The following MIER2 variants were observed in gnomAD, a reference collection of about 807,000 sequenced individuals.
MIER2 encodes the protein MIER family member 2.
A neutral mutation model predicts 67.6 loss-of-function variants in MIER2; 30 were observed. That is an observed-to-expected ratio of 0.44 (90% confidence interval 0.33 to 0.60). The LOEUF is 0.60. Ranked by LOEUF, MIER2 falls within the 20% of genes least tolerant of loss-of-function variation. The probability of loss-of-function intolerance (pLI) is 0.02; values close to 1 mark genes in which losing one functional copy is unlikely to be tolerated. For synonymous variants in MIER2, 372 were observed against 312.6 expected (o/e 1.19, Z -2.00); for missense variants, 702 against 745.1 (o/e 0.94, Z 0.67).
intron 6 of MIER2, 145 bp downstream of exon 6, chr19:326,362 C>T (rs868608876): frequency 1.8e-5 from 10 of 546,200 alleles, no homozygotes; most frequent in African/African-American, 6.9e-5. Context: ...GAGCCACGGC[C>T]GGGATGCCAG....
At chr19:318,463 A>C (rs1211725724) in intron 7 of MIER2, among the ~76,000 whole-genome samples, 2 of 152,226 alleles carry the variant, frequency 1.3e-5, no homozygotes, top group East Asian at 3.8e-4. Context: ...AATGGACAGC[A>C]TTAAAAAGGG....
chr19:308,556 G>A lies in MIER2; in HGVS notation c.1198+21C>T, dbSNP rs200228754. The A allele has an allele frequency of 8.6e-4, 1,359 of 1,577,892 alleles. 5 individuals are homozygous for A. The highest frequency in any genetic ancestry group is 1.3e-3 in the South Asian group (108 of 86,292). On this transcript the variant is annotated intron_variant, in intron 12 of 13. Coordinates refer to ENST00000264819, the MANE Select transcript of MIER2 (RefSeq NM_017550.3). The surrounding 1 kb of genome is among the most constrained non-coding windows in gnomAD (Gnocchi z 9.1). ...AGACCCGTGGCCGCCCCCAGGGCAG[G>A]AGATACTCCCCAAGCCTCACCTGTG... is the stretch of plus-strand genomic sequence containing the variant.
chr19:335,744 C>T (rs1434153042), intron 2 of MIER2, among the ~76,000 whole-genome samples: 1 of 152,198 alleles, frequency 6.6e-6, no homozygotes, highest in East Asian at 1.9e-4. Context: ...ACCTTCTCAG[C>T]CCCGGCTCCC....
chr19:319,999 A>C (rs1193859143), intron 7 of MIER2, among the ~76,000 whole-genome samples: 1 of 152,190 alleles, frequency 6.6e-6, no homozygotes, highest in Non-Finnish European at 1.5e-5. Context: ...CACAGCGAGC[A>C]TGTAATCACT....
intron 7 of MIER2, among the ~76,000 whole-genome samples, chr19:316,917 C>T (rs1160655187): frequency 2.6e-5 from 4 of 151,192 alleles, no homozygotes; most frequent in South Asian, 2.1e-4. Context: ...TGCAATGAGC[C>T]GAGATCACAC....
chr19:310,777 A>G (rs989029900), intron 10 of MIER2, among the ~76,000 whole-genome samples: 6 of 146,190 alleles, frequency 4.1e-5, no homozygotes, highest in Non-Finnish European at 7.5e-5. Flanking sequence ...GTCCATAGAA[A>G]CACGGCCCAG....
At chr19:316,533 G>A (rs1971243060) in intron 7 of MIER2, among the ~76,000 whole-genome samples, 1 of 152,184 alleles carries the variant, frequency 6.6e-6, no homozygotes, top group Non-Finnish European at 1.5e-5. Context: ...CAGGCAATCT[G>A]CCTGCCTCGG....
At chr19:339,150 G>A (rs905483023) in intron 1 of MIER2, among the ~76,000 whole-genome samples, 4 of 149,112 alleles carry the variant, frequency 2.7e-5, no homozygotes, top group African/African-American at 4.9e-5. Flanking sequence ...TTCAAAGGAC[G>A]CCCCCAAGAA....
In MIER2 at chr19:308,492, C is replaced by G; in HGVS notation, c.1198+85G>C. ...GCGAGGCTGGCCCAGCACAGGGCGC[C>G]AGGCAGGAGAGGCTCCACCGGGCCT... On this transcript the variant is annotated intron_variant, in intron 12 of 13. Coordinates refer to ENST00000264819, the MANE Select transcript of MIER2 (RefSeq NM_017550.3). This position sits in a 1 kb window ranked among gnomAD's most constrained non-coding sequence, Gnocchi z 9.1. The G allele has an allele frequency of 7.1e-7, 1 of 1,403,722 alleles. No individual in the cohort carries two copies. The highest frequency in any genetic ancestry group is 9.6e-7 in the Non-Finnish European group (1 of 1,038,016). 87.0% of individuals were successfully genotyped at this position (1,403,722 alleles called of 1,614,324 possible). A position where few individuals can be genotyped will look rare whatever the true frequency, so the allele number is the denominator to read the frequency against.
At position 305,801 on chromosome 19, in the gene MIER2, G is replaced by C. The variant is rs1970623729; in HGVS notation, c.*889C>G. 6.6e-6 allele frequency: 1 copy of C among 152,656 alleles called. No individual in the cohort carries two copies. Among genetic ancestry groups the C allele is most frequent in the Non-Finnish European group, 1.5e-5 (1 of 68,144 alleles). 9.5% of individuals were successfully genotyped at this position (152,656 alleles called of 1,614,324 possible). A position where few individuals can be genotyped will look rare whatever the true frequency, so the allele number is the denominator to read the frequency against. ...AAACGAACGAGAGGGCCAGGGAGGA[G>C]GGGGACCAGGACTCCAAGCCATCTT... On this transcript the variant is annotated 3_prime_UTR_variant, in exon 14 of 14. Transcript: ENST00000264819.
chr19:313,509 C>A lies in MIER2; in HGVS notation c.790G>T (p.Val264Leu), dbSNP rs764545665. The A allele has an allele frequency of 6.2e-7, 1 of 1,612,062 alleles. No homozygotes were observed. Among genetic ancestry groups the A allele is most frequent in the Non-Finnish European group, 8.5e-7 (1 of 1,179,826 alleles). ...GCCCCCACCTGCTCACTGTCTTTCACGGCTTCTCCCTCTGGGAGCTGAGGC... is the reference window on the plus strand; with the variant it reads ...GCCCCCACCTGCTCACTGTCTTTCAAGGCTTCTCCCTCTGGGAGCTGAGGC... ...AGPQLPEGEA[V>L]KDSEQALYEL... The change falls in exon 8 of 14, where the codon GTG (valine) becomes TTG (leucine). Residue 264 changes from valine (V) to leucine (L), a missense_variant. Coordinates refer to ENST00000264819, the MANE Select transcript of MIER2 (RefSeq NM_017550.3).
intron 1 of MIER2, among the ~76,000 whole-genome samples, chr19:341,908 A>G (rs932714496): frequency 1.1e-4 from 16 of 152,302 alleles, no homozygotes; most frequent in African/African-American, 3.8e-4. Context: ...GACTGGGTGC[A>G]GAGCACAGAC....
At position 313,493 on chromosome 19, in the gene MIER2, T is replaced by TG; in HGVS notation, c.805dup (p.Gln269ProfsTer36). The TG allele has an allele frequency of 6.2e-7, 1 of 1,611,184 alleles. No individual in the cohort carries two copies. Among genetic ancestry groups the TG allele is most frequent in the Non-Finnish European group, 8.5e-7 (1 of 1,179,662 alleles). ...TGTCCCCGGCATGGCAGCCCCCACC[T>TG]GCTCACTGTCTTTCACGGCTTCTCC... On this transcript the variant is annotated frameshift_variant and splice_region_variant, in exon 8 of 14. Transcript: ENST00000264819. LOFTEE classifies it high-confidence loss of function.
intron 1 of MIER2, chr19:343,717 T>C (rs1972607332): frequency 1.9e-6 from 1 of 522,616 alleles, no homozygotes; most frequent in Non-Finnish European, 2.5e-6. Flanking sequence ...GATCAGCTCT[T>C]GAGTCTGCCC....
At chr19:332,354 G>A (rs925377369) in intron 3 of MIER2, among the ~76,000 whole-genome samples, 4 of 152,128 alleles carry the variant, frequency 2.6e-5, no homozygotes, top group African/African-American at 9.7e-5. Context: ...CCAGGCTAGA[G>A]TGCAATGGCC....
intron 5 of MIER2, 30 bp from the exon 6 acceptor site, chr19:326,628 G>A: frequency 6.4e-7 from 1 of 1,561,964 alleles, no homozygotes; most frequent in Non-Finnish European, 8.8e-7. Flanking sequence ...GGTCCCCCAG[G>A]GTCTCCACTG....
rs550998031 is a variant in MIER2, at chr19:324,507, G to A, written c.655+1128C>T. Among the ~76,000 whole-genome samples the A allele has an allele frequency of 1.9e-4, 26 of 134,326 alleles. 2 individuals are homozygous for A. The highest frequency in any genetic ancestry group is 2.9e-4 in the Non-Finnish European group (19 of 64,818). 88.1% of individuals were successfully genotyped at this position (134,326 alleles called of 152,430 possible). Reference sequence around the variant, plus strand: ...ACACACACAACCACGCAGATGACTCGAAGGACACAGACGTCATCACAATGC... The same window carrying A: ...ACACACACAACCACGCAGATGACTCAAAGGACACAGACGTCATCACAATGC... On this transcript the variant is annotated intron_variant, in intron 7 of 13. Coordinates refer to ENST00000264819, the MANE Select transcript of MIER2 (RefSeq NM_017550.3).
At chr19:340,237 A>G (rs142539308) in intron 1 of MIER2, among the ~76,000 whole-genome samples, 134 of 152,242 alleles carry the variant, frequency 8.8e-4, no homozygotes, top group African/African-American at 3.1e-3. Flanking sequence ...CTTCCAGCCC[A>G]TCACACTACT....
Position 306,494 on chromosome 19 carries a change from T to C in MIER2, c.*196A>G. 3 of 731,820 alleles carry C rather than the reference T, an allele frequency of 4.1e-6. No homozygotes were observed. Among genetic ancestry groups the C allele is most frequent in the Non-Finnish European group, 6.6e-6 (3 of 451,902 alleles). 45.3% of individuals were successfully genotyped at this position (731,820 alleles called of 1,614,324 possible). On this transcript the variant is annotated 3_prime_UTR_variant, in exon 14 of 14. Coordinates refer to ENST00000264819, the MANE Select transcript of MIER2 (RefSeq NM_017550.3). ...GCGCTGACGGCGCTGGGTGGGGCCG[T>C]GGGTCCATTCTGTGTGGACAGGGGC...
Sources: gnomAD v4.1 joint callset for allele counts (sites outside exome capture counted in the v4.1 genomes callset) on GRCh38, gnomAD v4.1.1 for gene constraint, Gnocchi (gnomAD v3.1) non-coding constraint, MANE v1.5 for transcripts, NCBI Gene and HGNC (gene_info 2026-07-23, HGNC 2026-07-21) for gene names.